TMEM132D: variants seen among roughly 807,000 people sequenced by gnomAD.
The protein encoded by TMEM132D is transmembrane protein 132D.
Under a neutral mutation model 62.3 loss-of-function variants are expected in TMEM132D, and 21 were observed. The observed-to-expected ratio is 0.34, with a 90% confidence interval of 0.24 to 0.49. The LOEUF (loss-of-function observed/expected upper bound fraction) is 0.49. TMEM132D is among the 20% of genes least tolerant of loss of function. TMEM132D has a pLI of 0.99. For missense variants in TMEM132D, 1,346 were observed against 1,402.8 expected, an observed-to-expected ratio of 0.96 and a Z score of 0.65; for synonymous variants, 621 against 575.6, an observed-to-expected ratio of 1.08 and a Z score of -1.13.
chr12:129,230,685 G>A (rs1283906251), intron 4 of TMEM132D, among the ~76,000 whole-genome samples: 2 of 152,194 alleles, frequency 1.3e-5, no homozygotes, highest in African/African-American at 2.4e-5. Flanking sequence ...TCTCCCATCT[G>A]AGAGCTCCCA....
At chr12:129,646,082 T>C (rs745784480) in intron 2 of TMEM132D, among the ~76,000 whole-genome samples, 16 of 152,204 alleles carry the variant, frequency 1.1e-4, no homozygotes, top group Non-Finnish European at 1.8e-4. Context: ...ACTTTCTTAA[T>C]AAACTTTTTT....
At chr12:129,622,231 C>T (rs1015139265) in intron 2 of TMEM132D, among the ~76,000 whole-genome samples, 10 of 152,156 alleles carry the variant, frequency 6.6e-5, no homozygotes, top group Non-Finnish European at 1.3e-4. Flanking sequence ...AAGCCCCACT[C>T]GTCCACTAGC....
At chr12:129,200,891 G>T (rs1467704040) in intron 5 of TMEM132D, among the ~76,000 whole-genome samples, 1 of 152,168 alleles carries the variant, frequency 6.6e-6, no homozygotes, top group Non-Finnish European at 1.5e-5. Context: ...TAAGCGTTGT[G>T]CTCCCATCCC....
chr12:129,265,951 G>C (rs1880680233), intron 4 of TMEM132D, among the ~76,000 whole-genome samples: 1 of 152,026 alleles, frequency 6.6e-6, no homozygotes, highest in Admixed American at 6.5e-5. Context: ...CACTGCAATG[G>C]GGGACCTTTG....
At chr12:129,309,452 T>C (rs1204729357) in intron 4 of TMEM132D, among the ~76,000 whole-genome samples, 3 of 152,188 alleles carry the variant, frequency 2.0e-5, no homozygotes, top group Admixed American at 2.0e-4. Flanking sequence ...TGTTGGCCCT[T>C]TCTCTTTTAT....
intron 4 of TMEM132D, among the ~76,000 whole-genome samples, chr12:129,326,451 T>TA (rs566982106): frequency 1.3e-5 from 2 of 152,068 alleles, no homozygotes; most frequent in Non-Finnish European, 1.5e-5. Context: ...TATACGTGGT[T>TA]AAAAAAAATC....
At chr12:129,604,328 G>A (rs1026294679) in intron 2 of TMEM132D, among the ~76,000 whole-genome samples, 1 of 152,102 alleles carries the variant, frequency 6.6e-6, no homozygotes, top group Non-Finnish European at 1.5e-5. Flanking sequence ...AGAACTTAAA[G>A]TAAAATTAAA....
intron 3 of TMEM132D, among the ~76,000 whole-genome samples, chr12:129,457,663 C>A (rs1282005637): frequency 6.6e-6 from 1 of 151,922 alleles, no homozygotes; most frequent in Non-Finnish European, 1.5e-5. Flanking sequence ...GGCTGGGAGG[C>A]CCCAGGAAAC....
rs916169097 is a variant in TMEM132D, at chr12:129,233,841, T to G, written c.1300-24178A>C. On this transcript the variant is annotated intron_variant, in intron 4 of 8. Transcript: ENST00000422113. ...TTATTATTTTTTACACGATTGGGTC[T>G]CTGTTTTCAAGGGTCAATGGATTCA... Among the ~76,000 whole-genome samples the G allele has an allele frequency of 4.0e-5, 6 of 151,260 alleles. No individual in the cohort carries two copies. In the Admixed American group the frequency reaches 4.0e-4, roughly 10 times the overall value.
chr12:129,220,666 A>G (rs1879323072), intron 4 of TMEM132D, among the ~76,000 whole-genome samples: 2 of 152,122 alleles, frequency 1.3e-5, no homozygotes, highest in African/African-American at 2.4e-5. Flanking sequence ...TGTACCCTCT[A>G]TGCTTCACCC....
chr12:129,636,660 C>T (rs909287578), intron 2 of TMEM132D, among the ~76,000 whole-genome samples: 1 of 148,728 alleles, frequency 6.7e-6, no homozygotes, highest in Non-Finnish European at 1.5e-5. Context: ...TATTTCCTGA[C>T]ATTTTCCCAG....
intron 3 of TMEM132D, among the ~76,000 whole-genome samples, chr12:129,401,383 A>G (rs1871616277): frequency 6.6e-6 from 1 of 152,128 alleles, no homozygotes; most frequent in Non-Finnish European, 1.5e-5. Context: ...CCTGGACAAT[A>G]TAGTGAGACT....
intron 5 of TMEM132D, among the ~76,000 whole-genome samples, chr12:129,191,044 C>T (rs1275652615): frequency 1.3e-5 from 2 of 152,102 alleles, no homozygotes; most frequent in African/African-American, 4.8e-5. Flanking sequence ...GGGTCACTGC[C>T]AGTGGTGCTG....
intron 4 of TMEM132D, among the ~76,000 whole-genome samples, chr12:129,279,328 C>T (rs1300928345): frequency 2.0e-5 from 3 of 152,160 alleles, no homozygotes; most frequent in Non-Finnish European, 2.9e-5. Flanking sequence ...CTCTAATGGA[C>T]CTTGGCGAAA....
chr12:129,794,348 C>A (rs1456309004), intron 1 of TMEM132D, among the ~76,000 whole-genome samples: 1 of 150,972 alleles, frequency 6.6e-6, no homozygotes, highest in Non-Finnish European at 1.5e-5. Flanking sequence ...GTGATCAACC[C>A]ACCTCGGCCT....
intron 2 of TMEM132D, among the ~76,000 whole-genome samples, chr12:129,582,354 G>A (rs1412040987): frequency 6.6e-6 from 1 of 152,192 alleles, no homozygotes; most frequent in Non-Finnish European, 1.5e-5. Context: ...ACTTCGGAGT[G>A]TGGTCCTGGT....
chr12:129,693,337 T>C (rs764183600), intron 2 of TMEM132D, among the ~76,000 whole-genome samples: 4 of 152,324 alleles, frequency 2.6e-5, no homozygotes, highest in Non-Finnish European at 5.9e-5. Context: ...GTGTTCTCAC[T>C]GAAATAAGTA....
Position 129,533,361 on chromosome 12 carries a change from C to A in TMEM132D, c.969-2156G>T, listed in dbSNP as rs191141846. On this transcript the variant is annotated intron_variant, in intron 2 of 8. Coordinates refer to ENST00000422113, the MANE Select transcript of TMEM132D (RefSeq NM_133448.3). ...GAAACTCATTTAAATTGTAGGCAAC[C>A]AAGATGTGGTAGCGAACAAAAGTAC... Among the ~76,000 whole-genome samples, 549 of 152,220 alleles carry A rather than the reference C, an allele frequency of 3.6e-3. 14 individuals are homozygous for A. Among genetic ancestry groups the A allele is most frequent in the Admixed American group, 0.032 (487 of 15,290 alleles).
At chr12:129,390,183 T>A (rs1460480118) in intron 3 of TMEM132D, among the ~76,000 whole-genome samples, 3 of 152,240 alleles carry the variant, frequency 2.0e-5, no homozygotes, top group Non-Finnish European at 4.4e-5. Flanking sequence ...CACCAGTGGC[T>A]GACTGACCTT....
Sources: allele counts gnomAD v4.1 joint callset (sites outside exome capture counted in the v4.1 genomes callset), GRCh38; gene constraint gnomAD v4.1.1; transcripts MANE v1.5; gene names NCBI Gene and HGNC (gene_info 2026-07-23, HGNC 2026-07-21).